SEC62: variants seen among roughly 807,000 people sequenced by gnomAD.
SEC62 encodes translocation protein SEC62.
A neutral mutation model predicts 47.5 loss-of-function variants in SEC62; 10 were observed. The observed-to-expected ratio is 0.21, with a 90% CI of 0.13 to 0.36. SEC62 has a LOEUF of 0.36. Ranked by LOEUF, SEC62 falls within the 10% of genes least tolerant of loss-of-function variation. The probability of loss-of-function intolerance (pLI) is 1.00; values close to 1 mark genes in which losing one functional copy is unlikely to be tolerated. For missense variants in SEC62, 327 were observed against 464.1 expected (o/e 0.70, Z 2.71); for synonymous variants, 136 against 150.5 (o/e 0.90, Z 0.71).
rs1185813179 is a variant in SEC62 at position 169,993,969 on chromosome 3, C to T, written c.*906C>T. The stretch of plus-strand genomic sequence containing the variant: ...TACAGCAGCTTCAGTTTTGTGCCAA[C>T]ATTCCATGTATTTTGAATATGAGCA... On this transcript the variant is annotated 3_prime_UTR_variant, in exon 8 of 8. Transcript: ENST00000337002. 1.3e-5 allele frequency: 2 copies of T among 152,630 alleles called. No homozygotes were observed. The highest frequency in any genetic ancestry group is 6.5e-5 in the Admixed American group (1 of 15,280). The allele number at this position is 152,630 out of a possible 1,614,324, so 9.5% of individuals were successfully genotyped here. A position where few individuals can be genotyped will look rare whatever the true frequency, so the allele number is the denominator to read the frequency against.
intron 1 of SEC62, 58 bp downstream of exon 1, chr3:169,966,916 G>C (rs1057447001): frequency 2.2e-5 from 33 of 1,532,990 alleles, no homozygotes; most frequent in Non-Finnish European, 2.8e-5. Flanking sequence ...GGAAGGGGCG[G>C]GGAAAGCCCC....
At chr3:169,991,881 TA>T (rs1436126642) in intron 7 of SEC62, among the ~76,000 whole-genome samples, 1 of 152,234 alleles carries the variant, frequency 6.6e-6, no homozygotes. Context: ...TAGTAATGTA[TA>T]TACATGTATG....
At position 169,983,201 on chromosome 3, in the gene SEC62, A is replaced by T; in HGVS notation, c.497A>T (p.Lys166Ile). Residue 166 changes from lysine to isoleucine, a missense_variant, in exon 5 of 8, where the codon AAA becomes ATA. Coordinates refer to ENST00000337002, the MANE Select transcript of SEC62 (RefSeq NM_003262.4). ...ACTCCTAAAAAGAAGGAAACTAAGA[A>T]AAAATTCAAACTTGAGCCACATGAT... Reference protein sequence around the residue: ...PGTPKKKETKKKFKLEPHDDQ... With the variant: ...PGTPKKKETKIKFKLEPHDDQ... 6.2e-7 allele frequency: 1 copy of T among 1,612,784 alleles called. No individual in the cohort carries two copies. Among genetic ancestry groups the T allele is most frequent in the Non-Finnish European group, 8.5e-7 (1 of 1,179,204 alleles).
chr3:169,984,183 A>G (rs1715045625), intron 5 of SEC62, among the ~76,000 whole-genome samples: 1 of 152,196 alleles, frequency 6.6e-6, no homozygotes, highest in Non-Finnish European at 1.5e-5. Flanking sequence ...CTTGCATGAG[A>G]CTATCTAGAG....
At position 169,986,110 on chromosome 3, in the gene SEC62, A is replaced by G. The variant is rs73879154; in HGVS notation, c.610+245A>G. 1.8e-3 allele frequency among the ~76,000 whole-genome samples: 268 copies of G among 152,334 alleles called. 1 individual carries two copies. Among genetic ancestry groups the G allele is most frequent in the African/African-American group, 6.1e-3 (252 of 41,572 alleles). Reference sequence around the variant, plus strand: ...GGTAGTTAACAGATAAAGAAATACAATGACCAATCATCATGAGTGATACTT... The same window carrying G: ...GGTAGTTAACAGATAAAGAAATACAGTGACCAATCATCATGAGTGATACTT... On this transcript the variant is annotated intron_variant, in intron 6 of 7. Coordinates refer to ENST00000337002, the MANE Select transcript of SEC62 (RefSeq NM_003262.4).
At chr3:169,971,973 T>C (rs1231430381) in intron 1 of SEC62, among the ~76,000 whole-genome samples, 1 of 152,244 alleles carries the variant, frequency 6.6e-6, no homozygotes, top group Admixed American at 6.5e-5. Context: ...ATTTATCCTT[T>C]ATCATTGAGT....
Position 169,977,011 on chromosome 3 carries a change from T to C in SEC62, c.211T>C (p.Leu71=). 2 of 1,611,776 alleles carry C rather than the reference T, an allele frequency of 1.2e-6. No individual in the cohort carries two copies. The highest frequency in any genetic ancestry group is 1.7e-6 in the Non-Finnish European group (2 of 1,178,498). ...AAAGGCCAAGAAAGGAGAGGAAGCT[T>C]TATTTACAACCAGGGAGTCTGTGGT... ...WAKAKKGEEA[L]FTTRESVVDY... is the part of the protein sequence containing the mutation. The change falls in exon 3 of 8, where the codon TTA becomes CTA. Residue 71 remains leucine (L), a synonymous_variant. Coordinates refer to ENST00000337002, the MANE Select transcript of SEC62 (RefSeq NM_003262.4).
Position 169,975,663 on chromosome 3 carries a change from A to G in SEC62, c.92A>G (p.Asn31Ser), listed in dbSNP as rs78992980. 161 of 1,613,940 alleles carry G rather than the reference A, an allele frequency of 1.0e-4. No homozygotes were observed. The highest frequency in any genetic ancestry group is 1.1e-4 in the Non-Finnish European group (126 of 1,179,860). ...GCTGTGGCCAAGTATCTTCGATTCAACTGTCCAACAAAGTCCACCAATATG... is the reference window on the plus strand; with the variant it reads ...GCTGTGGCCAAGTATCTTCGATTCAGCTGTCCAACAAAGTCCACCAATATG... ...EKAVAKYLRF[N>S]CPTKSTNMMG... is the part of the protein sequence containing the mutation. Residue 31 changes from asparagine to serine, a missense_variant, in exon 2 of 8, where the codon AAC (asparagine) becomes AGC (serine). By Grantham distance (46) the Asn-to-Ser change is conservative. Transcript: ENST00000337002.
rs532144038 is a variant in SEC62, at chr3:169,995,359, T to C, written c.*2296T>C. On this transcript the variant is annotated 3_prime_UTR_variant, in exon 8 of 8. Coordinates refer to ENST00000337002, the MANE Select transcript of SEC62 (RefSeq NM_003262.4). ...AAGAATAATGCATATGTGATTGTTC[T>C]TAAAGTCAATGTATTAAATAAGGTA... 6.6e-6 allele frequency: 1 copy of C among 152,346 alleles called. No homozygotes were observed. The highest frequency in any genetic ancestry group is 2.1e-4 in the South Asian group (1 of 4,830). 9.4% of individuals were successfully genotyped at this position (152,346 alleles called of 1,614,324 possible).
chr3:169,990,040 TATATC>T (rs1258741083), intron 7 of SEC62, among the ~76,000 whole-genome samples: 1 of 148,140 alleles, frequency 6.8e-6, no homozygotes, highest in Non-Finnish European at 1.5e-5. Flanking sequence ...TCATATAATA[TATATC>T]ATATGATATG....
In SEC62 at chr3:169,988,632, T is replaced by A. The variant is rs150258658; in HGVS notation, c.730+273T>A. 1.5e-3 allele frequency among the ~76,000 whole-genome samples: 229 copies of A among 152,310 alleles called. 1 individual carries two copies. Among genetic ancestry groups the A allele is most frequent in the African/African-American group, 5.4e-3 (223 of 41,578 alleles). On this transcript the variant is annotated intron_variant, in intron 7 of 7. Transcript: ENST00000337002. ...TATACATTTATGGGGTACAATGTGA[T>A]GTTTTGGTGTATGTGTACAATGTGG...
rs1447262316 is a variant in SEC62 at position 169,993,163 on chromosome 3, A to T, written c.*100A>T. On this transcript the variant is annotated 3_prime_UTR_variant, in exon 8 of 8. Coordinates refer to ENST00000337002, the MANE Select transcript of SEC62 (RefSeq NM_003262.4). ...CACATGGCATTTGTAGCATTCTTTA[A>T]ATCTATCTACTGAAATGTATTTGAC... The T allele has an allele frequency of 1.2e-6, 1 of 841,988 alleles. No individual in the cohort carries two copies. The highest frequency in any genetic ancestry group is 2.7e-5 in the East Asian group (1 of 37,472). 52.2% of individuals were successfully genotyped at this position (841,988 alleles called of 1,614,324 possible).
At chr3:169,983,915 C>A (rs1382267507) in intron 5 of SEC62, 7 of 152,136 alleles carry the variant, frequency 4.6e-5, no homozygotes, top group Non-Finnish European at 1.5e-5. Context: ...GAATGTAAGT[C>A]AGACACATCA....
At chr3:169,984,885 CAG>C (rs1055490980) in intron 5 of SEC62, among the ~76,000 whole-genome samples, 12 of 151,142 alleles carry the variant, frequency 7.9e-5, no homozygotes, top group Non-Finnish European at 1.3e-4. Context: ...AATGATCAAA[CAG>C]AGTTCTGATC....
At chr3:169,981,802 C>T (rs1714979977) in intron 3 of SEC62, among the ~76,000 whole-genome samples, 1 of 152,132 alleles carries the variant, frequency 6.6e-6, no homozygotes, top group South Asian at 2.1e-4. Flanking sequence ...GAGCAAACAA[C>T]TACTACAAAT....
At chr3:169,982,327 A>G (rs1302730894) in intron 3 of SEC62, among the ~76,000 whole-genome samples, 1 of 152,132 alleles carries the variant, frequency 6.6e-6, no homozygotes, top group Non-Finnish European at 1.5e-5. Flanking sequence ...TAAACTGTTT[A>G]TTTTCTCCTT....
intron 2 of SEC62, among the ~76,000 whole-genome samples, chr3:169,976,397 T>C (rs1321524388): frequency 6.6e-6 from 1 of 152,138 alleles, no homozygotes; most frequent in Non-Finnish European, 1.5e-5. Flanking sequence ...AAATTGCCAG[T>C]GTAGAGGAAA....
rs1485582079 is a variant in SEC62, at chr3:169,992,310, C to T, written c.731-284C>T. Among the ~76,000 whole-genome samples, 3 of 152,044 alleles carry T rather than the reference C, an allele frequency of 2.0e-5. No homozygotes were observed. The highest frequency in any genetic ancestry group is 2.9e-5 in the Non-Finnish European group (2 of 68,024). ...GCAACATTCTGTGCCCCTAGAATACCGTGATAGCTGCTAAACTAGTCAGGA... is the reference window on the plus strand; with the variant it reads ...GCAACATTCTGTGCCCCTAGAATACTGTGATAGCTGCTAAACTAGTCAGGA... On this transcript the variant is annotated intron_variant, in intron 7 of 7. Transcript: ENST00000337002. The surrounding 1 kb of genome is among the most constrained non-coding windows in gnomAD (Gnocchi z 4.0).
chr3:169,988,092 G>A, intron 6 of SEC62, 148 bp from the exon 7 acceptor site: 1 of 721,912 alleles, frequency 1.4e-6, no homozygotes, highest in Non-Finnish European at 2.3e-6. Context: ...GCTCATAATT[G>A]ACCATTTTTT....
Sources: gnomAD v4.1 joint callset for allele counts (sites outside exome capture counted in the v4.1 genomes callset) on GRCh38, gnomAD v4.1.1 for gene constraint, Gnocchi (gnomAD v3.1) non-coding constraint, MANE v1.5 for transcripts, NCBI Gene and HGNC (gene_info 2026-07-23, HGNC 2026-07-21) for gene names.